The following TCF4 variants were observed in gnomAD, a reference collection of about 807,000 sequenced individuals.
TCF4 encodes the protein transcription factor 4, also known as SL3-3 enhancer factor 2.
Under a neutral mutation model 82.1 loss-of-function variants are expected in TCF4, and 3 were observed. The ratio of observed to expected loss-of-function variants is 0.04; its 90% CI spans 0.02 to 0.09. The LOEUF (loss-of-function observed/expected upper bound fraction) is 0.09. TCF4 is among the 10% of genes least tolerant of loss of function. The pLI is 1.00. For missense variants in TCF4, 518 were observed against 852.7 expected (o/e 0.61, Z 4.89); for synonymous variants, 276 against 309.6 (o/e 0.89, Z 1.14).
intron 3 of TCF4, among the ~76,000 whole-genome samples, chr18:55,549,983 C>T (rs908137584): frequency 2.6e-5 from 4 of 152,120 alleles, no homozygotes; most frequent in African/African-American, 2.4e-5. Context: ...ATGACCAATA[C>T]GGTAACTGTG....
At chr18:55,574,614 T>C (rs953777314) in intron 3 of TCF4, among the ~76,000 whole-genome samples, 3 of 152,230 alleles carry the variant, frequency 2.0e-5, no homozygotes, top group African/African-American at 7.2e-5. Context: ...GCCGGGATTA[T>C]AGGCATGAGC....
At chr18:55,330,598 G>A (rs192646779) in intron 8 of TCF4, among the ~76,000 whole-genome samples, 3 of 150,210 alleles carry the variant, frequency 2.0e-5, no homozygotes, top group Admixed American at 6.6e-5. Context: ...ACGGAGTCTC[G>A]CTCTGTCACC....
At chr18:55,288,104 G>A (rs2064120624) in intron 8 of TCF4, among the ~76,000 whole-genome samples, 1 of 152,244 alleles carries the variant, frequency 6.6e-6, no homozygotes, top group East Asian at 1.9e-4. Context: ...AAACTGCCAG[G>A]AGAGATGTGA....
At chr18:55,306,343 G>A (rs530153731) in intron 8 of TCF4, among the ~76,000 whole-genome samples, 17 of 152,090 alleles carry the variant, frequency 1.1e-4, no homozygotes, top group Admixed American at 4.6e-4. Context: ...TCTTATAAAA[G>A]AACCAGTTTT....
At chr18:55,265,889 G>C (rs2059061519) in intron 11 of TCF4, 1 of 152,148 alleles carries the variant, frequency 6.6e-6, no homozygotes, top group Admixed American at 6.5e-5. Flanking sequence ...AACCCTGTTT[G>C]GTTTGAGGTT....
chr18:55,259,750 A>G (rs1163526476), intron 13 of TCF4, 199 bp downstream of exon 13: 1 of 569,504 alleles, frequency 1.8e-6, no homozygotes, highest in Non-Finnish European at 3.1e-6. Flanking sequence ...TCTAATTTTT[A>G]AGAAAAGGTT....
At position 55,225,338 on chromosome 18, in the gene TCF4, T is replaced by G. The variant is rs879945073; in HGVS notation, c.*2697A>C. On this transcript the variant is annotated 3_prime_UTR_variant, in exon 20 of 20. Transcript: ENST00000354452. ...TTAAAAAATAATCAAATGACTACAA[T>G]TTACTTTTTTGCTTTGTTTACAGAT... 6.6e-6 allele frequency: 1 copy of G among 152,512 alleles called. No homozygotes were observed. The highest frequency in any genetic ancestry group is 6.5e-5 in the Admixed American group (1 of 15,270). 9.4% of individuals were successfully genotyped at this position (152,512 alleles called of 1,614,324 possible). A position where few individuals can be genotyped will look rare whatever the true frequency, so the allele number is the denominator to read the frequency against.
intron 8 of TCF4, among the ~76,000 whole-genome samples, chr18:55,290,010 T>C (rs989991931): frequency 6.6e-6 from 1 of 152,180 alleles, no homozygotes; most frequent in African/African-American, 2.4e-5. Context: ...ACACATGGGA[T>C]ACACGTCAAA....
At chr18:55,351,756 T>C (rs1429054628) in intron 6 of TCF4, 2 of 662,178 alleles carry the variant, frequency 3.0e-6, no homozygotes, top group Admixed American at 6.3e-5. Context: ...AGAAAGATTA[T>C]ATAATATTAC....
chr18:55,534,938 G>C (rs1038194010), intron 3 of TCF4, among the ~76,000 whole-genome samples: 1 of 152,196 alleles, frequency 6.6e-6, no homozygotes, highest in Non-Finnish European at 1.5e-5. Flanking sequence ...CCTACTATGT[G>C]TCCAATCTAT....
intron 15 of TCF4, among the ~76,000 whole-genome samples, chr18:55,247,327 C>G (rs968852023): frequency 6.6e-6 from 1 of 152,178 alleles, no homozygotes; most frequent in Non-Finnish European, 1.5e-5. Context: ...TGAATGAGGG[C>G]TTCAGGGAAA....
chr18:55,418,741 G>C (rs964707158), intron 5 of TCF4, among the ~76,000 whole-genome samples: 1 of 152,138 alleles, frequency 6.6e-6, no homozygotes, highest in East Asian at 1.9e-4. Flanking sequence ...ATTATATTTT[G>C]TCATGCCATA....
At chr18:55,364,572 C>T (rs918180915) in intron 6 of TCF4, among the ~76,000 whole-genome samples, 1 of 152,212 alleles carries the variant, frequency 6.6e-6, no homozygotes. Flanking sequence ...CTTTAGGTAG[C>T]GGCAAAAGGC....
At chr18:55,346,642 G>A (rs1383329416) in intron 8 of TCF4, among the ~76,000 whole-genome samples, 4 of 152,214 alleles carry the variant, frequency 2.6e-5, no homozygotes, top group South Asian at 2.1e-4. Context: ...GATGCAAATC[G>A]GATTACAAGT....
At chr18:55,508,061 C>T (rs116176959) in intron 3 of TCF4, among the ~76,000 whole-genome samples, 50 of 152,218 alleles carry the variant, frequency 3.3e-4, no homozygotes, top group African/African-American at 1.1e-3. Flanking sequence ...GGGAGGCTTC[C>T]TGACCAGAGG....
intron 3 of TCF4, among the ~76,000 whole-genome samples, chr18:55,490,569 T>C (rs1219081148): frequency 1.3e-5 from 2 of 152,134 alleles, no homozygotes; most frequent in African/African-American, 4.8e-5. Flanking sequence ...GAAATTAACC[T>C]TTATTTGACA....
At chr18:55,556,139 C>G (rs2097301969) in intron 3 of TCF4, among the ~76,000 whole-genome samples, 1 of 150,952 alleles carries the variant, frequency 6.6e-6, no homozygotes, top group Admixed American at 6.7e-5. Context: ...GCTTATATAC[C>G]TTTATCTTTC....
At chr18:55,521,605 T>A (rs2096934039) in intron 3 of TCF4, among the ~76,000 whole-genome samples, 2 of 152,244 alleles carry the variant, frequency 1.3e-5, no homozygotes, top group African/African-American at 4.8e-5. Flanking sequence ...GTGAGTTGAC[T>A]GATAAAGGCC....
chr18:55,288,374 A>G (rs2064192086), intron 8 of TCF4, among the ~76,000 whole-genome samples: 1 of 152,240 alleles, frequency 6.6e-6, no homozygotes, highest in Non-Finnish European at 1.5e-5. Context: ...CTATTGTTGC[A>G]TGATCATCCC....
Sources: gnomAD v4.1 joint callset for allele counts (sites outside exome capture counted in the v4.1 genomes callset) on GRCh38, gnomAD v4.1.1 for gene constraint, MANE v1.5 for transcripts, NCBI Gene and HGNC (gene_info 2026-07-23, HGNC 2026-07-21) for gene names.